The following ZDHHC17 variants were observed in gnomAD, a reference collection of about 807,000 sequenced individuals.
ZDHHC17 encodes palmitoyltransferase ZDHHC17.
Under a neutral mutation model 90.3 loss-of-function variants are expected in ZDHHC17, and 40 were observed. The observed-to-expected ratio is 0.44, with a 90% CI of 0.34 to 0.58. The LOEUF is 0.58. ZDHHC17 is among the 20% of genes least tolerant of loss of function. The pLI is 0.01. For missense variants in ZDHHC17, 614 were observed against 780.8 expected (o/e 0.79, Z 2.55); for synonymous variants, 235 against 252.4 (o/e 0.93, Z 0.65).
At chr12:76,771,922 C>T (rs1241488588) in intron 1 of ZDHHC17, among the ~76,000 whole-genome samples, 1 of 152,146 alleles carries the variant, frequency 6.6e-6, no homozygotes, top group Non-Finnish European at 1.5e-5. Flanking sequence ...ACAACTGGAA[C>T]CTGAGCTGAG....
At chr12:76,782,394 A>T (rs1289144265) in intron 1 of ZDHHC17, among the ~76,000 whole-genome samples, 2 of 152,246 alleles carry the variant, frequency 1.3e-5, no homozygotes, top group African/African-American at 4.8e-5. Flanking sequence ...CTGCTGCTGC[A>T]TTCCTGGAGA....
At chr12:76,773,924 A>G (rs547594535) in intron 1 of ZDHHC17, among the ~76,000 whole-genome samples, 12 of 152,078 alleles carry the variant, frequency 7.9e-5, no homozygotes, top group Admixed American at 4.6e-4. Context: ...TATTCAGTCT[A>G]TTCTTTTGCT....
intron 8 of ZDHHC17, among the ~76,000 whole-genome samples, chr12:76,823,419 A>T (rs1953189789): frequency 6.6e-6 from 1 of 152,242 alleles, no homozygotes; most frequent in East Asian, 1.9e-4. Context: ...ATTATATGAT[A>T]CTAAAACTTA....
chr12:76,799,162 C>T (rs1445647761), intron 2 of ZDHHC17, among the ~76,000 whole-genome samples: 2 of 152,138 alleles, frequency 1.3e-5, no homozygotes, highest in Non-Finnish European at 2.9e-5. Context: ...AAAAAGAATT[C>T]TCTGAAGTTC....
At chr12:76,847,070 T>C (rs1474440608) in intron 14 of ZDHHC17, among the ~76,000 whole-genome samples, 1 of 152,220 alleles carries the variant, frequency 6.6e-6, no homozygotes, top group African/African-American at 2.4e-5. Context: ...AAATTAAATT[T>C]GCAGAGAATT....
intron 1 of ZDHHC17, among the ~76,000 whole-genome samples, chr12:76,775,317 A>G (rs1441050683): frequency 2.0e-5 from 3 of 152,144 alleles, no homozygotes; most frequent in Non-Finnish European, 2.9e-5. Flanking sequence ...TAGAGATAAT[A>G]GTGACATTCT....
In ZDHHC17 at chr12:76,790,747, C is replaced by G. The variant is rs144892576; in HGVS notation, c.94-6687C>G. The stretch of plus-strand genomic sequence containing the variant: ...ATCACAAAGTTAAATACCTCATGTT[C>G]TCACCCATACATGGAAGCTAAAGAA... On this transcript the variant is annotated intron_variant, in intron 1 of 16. Transcript: ENST00000426126. Among the ~76,000 whole-genome samples the G allele has an allele frequency of 7.9e-3, 1,198 of 152,210 alleles. 6 individuals are homozygous for G. Among genetic ancestry groups the G allele is most frequent in the Non-Finnish European group, 0.012 (803 of 68,006 alleles).
intron 1 of ZDHHC17, among the ~76,000 whole-genome samples, chr12:76,774,367 A>G (rs1338630792): frequency 2.0e-5 from 3 of 151,804 alleles, no homozygotes; most frequent in African/African-American, 7.3e-5. Flanking sequence ...CCCACCCCCA[A>G]CATCCTTTGA....
chr12:76,810,323 A>G (rs1177904731), intron 5 of ZDHHC17, among the ~76,000 whole-genome samples: 2 of 151,972 alleles, frequency 1.3e-5, no homozygotes, highest in Non-Finnish European at 2.9e-5. Flanking sequence ...GTTGTTCCTG[A>G]TTTTTCTTGA....
chr12:76,776,200 C>T (rs1198284454), intron 1 of ZDHHC17, among the ~76,000 whole-genome samples: 1 of 152,058 alleles, frequency 6.6e-6, no homozygotes, highest in Non-Finnish European at 1.5e-5. Flanking sequence ...CATTATTATC[C>T]TAACATCCGA....
rs1466072241 is a variant in ZDHHC17, at chr12:76,851,977, A to C, written c.*992A>C. 6.6e-6 allele frequency: 1 copy of C among 152,638 alleles called. No homozygotes were observed. The highest frequency in any genetic ancestry group is 1.5e-5 in the Non-Finnish European group (1 of 68,048). The allele number at this position is 152,638 out of a possible 1,614,324, so 9.5% of individuals were successfully genotyped here. ...AAGATGGAGCATGATCTAAGTACAT[A>C]GCACATGTGAATAAAAGAAAAGCTG... On this transcript the variant is annotated 3_prime_UTR_variant, in exon 17 of 17. Coordinates refer to ENST00000426126, the MANE Select transcript of ZDHHC17 (RefSeq NM_015336.4).
At chr12:76,764,565 A>AC in intron 1 of ZDHHC17, 1 of 574,282 alleles carries the variant, frequency 1.7e-6, no homozygotes, top group African/African-American at 1.9e-5. Flanking sequence ...TGCCTGGAGG[A>AC]CAGAGGTGGA....
chr12:76,794,076 G>A (rs765617851), intron 1 of ZDHHC17, among the ~76,000 whole-genome samples: 1 of 151,906 alleles, frequency 6.6e-6, no homozygotes. Context: ...TAGTAGAGAC[G>A]GGGTTTCACT....
At chr12:76,808,363 G>A (rs1223171516) in intron 3 of ZDHHC17, among the ~76,000 whole-genome samples, 2 of 152,114 alleles carry the variant, frequency 1.3e-5, no homozygotes, top group South Asian at 2.1e-4. Context: ...GGGTGCGGCC[G>A]CTCACTCCTG....
At chr12:76,847,887 A>G (rs1334520738) in intron 14 of ZDHHC17, among the ~76,000 whole-genome samples, 1 of 152,116 alleles carries the variant, frequency 6.6e-6, no homozygotes, top group Non-Finnish European at 1.5e-5. Context: ...CCATCCTATT[A>G]TGTTATATGC....
Position 76,828,377 on chromosome 12 carries a change from T to G in ZDHHC17, c.1041-13T>G. ...ATATAGAGCTCATATTTTATAAAAC[T>G]TGTGTTTTACAGATCCTTTTTCGAT... On this transcript the variant is annotated splice_polypyrimidine_tract_variant and intron_variant, in intron 9 of 16. Transcript: ENST00000426126. 1.9e-6 allele frequency: 3 copies of G among 1,573,444 alleles called. No homozygotes were observed. The highest frequency in any genetic ancestry group is 2.6e-6 in the Non-Finnish European group (3 of 1,161,890).
chr12:76,783,637 AC>A (rs1442978508), intron 1 of ZDHHC17, among the ~76,000 whole-genome samples: 1 of 152,208 alleles, frequency 6.6e-6, no homozygotes, highest in African/African-American at 2.4e-5. Flanking sequence ...TCACTTCTCC[AC>A]TTTTATTTTC....
intron 5 of ZDHHC17, among the ~76,000 whole-genome samples, 164 bp from the exon 6 acceptor site, chr12:76,814,982 A>C (rs1953066525): frequency 6.6e-6 from 1 of 151,964 alleles, no homozygotes; most frequent in South Asian, 2.1e-4. Context: ...ATATAGTGAC[A>C]AGAGTTTCAT....
At chr12:76,816,130 C>A in intron 7 of ZDHHC17, 111 bp downstream of exon 7, 1 of 824,112 alleles carries the variant, frequency 1.2e-6, no homozygotes, top group Non-Finnish European at 1.7e-6. Flanking sequence ...TTCTTCAATA[C>A]AGGTTTACAG....
Sources: allele counts gnomAD v4.1 joint callset (sites outside exome capture counted in the v4.1 genomes callset), GRCh38; gene constraint gnomAD v4.1.1; transcripts MANE v1.5; gene names NCBI Gene and HGNC (gene_info 2026-07-23, HGNC 2026-07-21).